CKAP2: variants seen among roughly 807,000 people sequenced by gnomAD.
The protein encoded by CKAP2 is cytoskeleton associated protein 2, also known as cytoskeleton-associated protein 2.
Under a neutral mutation model 58.4 loss-of-function variants are expected in CKAP2, and 46 were observed. The ratio of observed to expected loss-of-function variants is 0.79; its 90% CI spans 0.62 to 1.01. The LOEUF (loss-of-function observed/expected upper bound fraction) is 1.01. CKAP2 is among the 50% of genes least tolerant of loss of function. CKAP2 has a pLI of 0.00. For missense variants in CKAP2, 809 were observed against 796.4 expected (o/e 1.02, Z -0.19); for synonymous variants, 293 against 280.9 (o/e 1.04, Z -0.43).
rs772365982 is a variant in CKAP2, at chr13:52,461,647, CT to C, written c.823del (p.Ser275LeufsTer33). ...RDTVKQGISR[T>X]SANVTIRKGP... is the part of the protein sequence containing the mutation. The stretch of plus-strand genomic sequence containing the variant: ...ACTGTGAAACAAGGCATCAGTAGAA[CT>C]TCTGCCAATGTTACAATCCGGAAAG... On this transcript the variant is annotated frameshift_variant, in exon 4 of 9. Transcript: ENST00000258607. LOFTEE classifies it high-confidence loss of function. The C allele has an allele frequency of 6.2e-7, 1 of 1,614,162 alleles. No homozygotes were observed. The highest frequency in any genetic ancestry group is 8.5e-7 in the Non-Finnish European group (1 of 1,180,016).
chr13:52,456,754 T>C lies in CKAP2; in HGVS notation c.155+147T>C, dbSNP rs995059433. On this transcript the variant is annotated intron_variant, in intron 2 of 8. Transcript: ENST00000258607. ...TTACATATTATTTTACGTCTTTTTG[T>C]GGTACAACGTCTTTAAAATCTGGTG... 7.9e-6 allele frequency: 5 copies of C among 629,742 alleles called. No homozygotes were observed. The Admixed American group carries it at 8.8e-5, about 11-fold the overall frequency. The allele number at this position is 629,742 out of a possible 1,614,324, so 39.0% of individuals were successfully genotyped here. A position where few individuals can be genotyped will look rare whatever the true frequency, so the allele number is the denominator to read the frequency against.
At chr13:52,455,817 T>C (rs1409448889) in intron 1 of CKAP2, among the ~76,000 whole-genome samples, 191 bp downstream of exon 1, 1 of 152,220 alleles carries the variant, frequency 6.6e-6, no homozygotes, top group Non-Finnish European at 1.5e-5. Flanking sequence ...CAGGAACCGC[T>C]GCGTGGTGTT....
chr13:52,458,689 C>A (rs1958524451), intron 2 of CKAP2, among the ~76,000 whole-genome samples: 1 of 151,856 alleles, frequency 6.6e-6, no homozygotes, highest in African/African-American at 2.4e-5. Context: ...ATGGTGAAAC[C>A]CCGTCTCTAC....
At chr13:52,472,720 CATTCCTACACAGTCATGT>C (rs888866371) in intron 7 of CKAP2, among the ~76,000 whole-genome samples, 2 of 152,186 alleles carry the variant, frequency 1.3e-5, no homozygotes, top group Non-Finnish European at 2.9e-5. Context: ...TTTGCACACT[CATTCCTACACAGTCATGT>C]ATTCATTTGT....
intron 8 of CKAP2, among the ~76,000 whole-genome samples, chr13:52,474,580 A>G (rs1958803033): frequency 6.6e-6 from 1 of 152,118 alleles, no homozygotes; most frequent in Admixed American, 6.5e-5. Context: ...TTCCCTAACT[A>G]TTGCCATTTT....
intron 7 of CKAP2, among the ~76,000 whole-genome samples, chr13:52,472,703 T>G (rs987290348): frequency 1.3e-5 from 2 of 152,202 alleles, no homozygotes; most frequent in African/African-American, 2.4e-5. Context: ...AAGACGCTCC[T>G]AATACATTTG....
Position 52,465,477 on chromosome 13 carries a change from A to G in CKAP2, c.1476+12A>G. On this transcript the variant is annotated intron_variant, in intron 6 of 8. Transcript: ENST00000258607. ...TGGCAGGGGCTCAGGTAAGATAAAA[A>G]TTTACTGATCTTTACAATTACAGTG... The G allele has an allele frequency of 3.7e-6, 6 of 1,604,758 alleles. No homozygotes were observed. Among genetic ancestry groups the G allele is most frequent in the Non-Finnish European group, 5.1e-6 (6 of 1,172,780 alleles).
At position 52,461,438 on chromosome 13, in the gene CKAP2, A is replaced by G. The variant is rs748586558; in HGVS notation, c.612A>G (p.Thr204=). The part of the protein sequence containing the change: ...LQVKDESSAA[T]KKLSATIPKA... ...TCAAAGATGAGAGTTCTGCAGCAAC[A>G]AAGAAACTTTCAGCCACTATACCTA... Residue 204 remains threonine, a synonymous_variant, in exon 4 of 9, where the codon ACA becomes ACG. Coordinates refer to ENST00000258607, the MANE Select transcript of CKAP2 (RefSeq NM_018204.5). 5.0e-6 allele frequency: 8 copies of G among 1,614,114 alleles called. No individual in the cohort carries two copies. The African/African-American group carries it at 6.7e-5, about 13-fold the overall frequency.
chr13:52,461,994 A>C, intron 4 of CKAP2, 68 bp downstream of exon 4: 2 of 1,372,556 alleles, frequency 1.5e-6, no homozygotes, highest in East Asian at 5.0e-5. Flanking sequence ...TTTGGATTAT[A>C]ATTTCCTTGA....
intron 1 of CKAP2, chr13:52,456,244 C>A: frequency 1.0e-6 from 1 of 980,144 alleles, no homozygotes; most frequent in Non-Finnish European, 1.3e-6. Flanking sequence ...GCTTGGCTAG[C>A]AGGAGCTGTA....
At chr13:52,472,112 A>G (rs1361719465) in intron 7 of CKAP2, among the ~76,000 whole-genome samples, 1 of 152,104 alleles carries the variant, frequency 6.6e-6, no homozygotes, top group Non-Finnish European at 1.5e-5. Flanking sequence ...TTCAAATGTT[A>G]GTTCCTTGGA....
Position 52,455,509 on chromosome 13 carries a change from T to A in CKAP2, c.-48T>A. 6.2e-7 allele frequency: 1 copy of A among 1,610,090 alleles called. No individual in the cohort carries two copies. Among genetic ancestry groups the A allele is most frequent in the Non-Finnish European group, 8.5e-7 (1 of 1,177,474 alleles). ...TGCGGCGGCGGTGGTCTGAGGAAGTTCTATCTTGGCGCTAAAGCGGAGACG... is the reference window on the plus strand; with the variant it reads ...TGCGGCGGCGGTGGTCTGAGGAAGTACTATCTTGGCGCTAAAGCGGAGACG... On this transcript the variant is annotated 5_prime_UTR_variant, in exon 1 of 9. Coordinates refer to ENST00000258607, the MANE Select transcript of CKAP2 (RefSeq NM_018204.5).
chr13:52,457,495 TG>T (rs1958505919), intron 2 of CKAP2, among the ~76,000 whole-genome samples: 1 of 152,038 alleles, frequency 6.6e-6, no homozygotes, highest in Non-Finnish European at 1.5e-5. Flanking sequence ...CAAAAACCCA[TG>T]AAAGTAGATG....
rs1439941086 is a variant in CKAP2 at position 52,473,996 on chromosome 13, C to G, written c.1714C>G (p.Pro572Ala). ...EKEQDNKTKD[P>A]THDVKTPNTE... ...AGAGCAAGACAACAAAACAAAAGAT[C>G]CAACCCATGATGTTAAAACCCCCAA... The change falls in exon 8 of 9, where the codon CCA (proline) becomes GCA (alanine). Residue 572 changes from proline to alanine, a missense_variant. This residue lies in a region of CKAP2 where 283 missense variants were observed against 287.6 expected (regional missense o/e 0.98). Transcript: ENST00000258607. 2 of 1,614,018 alleles carry G rather than the reference C, an allele frequency of 1.2e-6. No individual in the cohort carries two copies. The highest frequency in any genetic ancestry group is 1.7e-6 in the Non-Finnish European group (2 of 1,179,972).
chr13:52,473,570 C>T (rs752425581), intron 7 of CKAP2: 2 of 351,016 alleles, frequency 5.7e-6, no homozygotes, highest in Non-Finnish European at 1.0e-5. Flanking sequence ...CTCCCTATAC[C>T]ACAGGCAAAG....
chr13:52,470,248 G>A (rs1958743727), intron 7 of CKAP2, among the ~76,000 whole-genome samples: 1 of 152,048 alleles, frequency 6.6e-6, no homozygotes, highest in Admixed American at 6.5e-5. Flanking sequence ...TGGGATTACA[G>A]GCATGCGCCA....
rs555887782 is a variant in CKAP2, at chr13:52,473,039, C to T, written c.1547-790C>T. ...TCCTAGGTGACAGAACGGCAGACAC[C>T]CTGTCTCTAAAAAAAAAAAAAAAAT... On this transcript the variant is annotated intron_variant, in intron 7 of 8. Coordinates refer to ENST00000258607, the MANE Select transcript of CKAP2 (RefSeq NM_018204.5). Among the ~76,000 whole-genome samples, 8 of 151,362 alleles carry T rather than the reference C, an allele frequency of 5.3e-5. No homozygotes were observed. In the East Asian group the frequency reaches 1.5e-3, roughly 29 times the overall value.
chr13:52,464,575 C>A lies in CKAP2; in HGVS notation c.1306-720C>A, dbSNP rs78925873. ...TCTCAAAAAAAAAAAAAAAAAAAAA[C>A]AATCCCATTCATCTAAGCCAACATC... is the stretch of plus-strand genomic sequence containing the variant. On this transcript the variant is annotated intron_variant, in intron 5 of 8. Coordinates refer to ENST00000258607, the MANE Select transcript of CKAP2 (RefSeq NM_018204.5). Among the ~76,000 whole-genome samples the A allele has an allele frequency of 7.0e-3, 812 of 116,682 alleles. 10 individuals carry two copies. Among genetic ancestry groups the A allele is most frequent in the African/African-American group, 0.02 (661 of 32,582 alleles). 76.5% of individuals were successfully genotyped at this position (116,682 alleles called of 152,430 possible). A position where few individuals can be genotyped will look rare whatever the true frequency, so the allele number is the denominator to read the frequency against.
chr13:52,461,802 GCTT>G lies in CKAP2; in HGVS notation c.978_980del (p.Ser327del). The G allele has an allele frequency of 6.2e-7, 1 of 1,614,050 alleles. No individual in the cohort carries two copies. The highest frequency in any genetic ancestry group is 8.5e-7 in the Non-Finnish European group (1 of 1,179,926). On this transcript the variant is annotated inframe_deletion, in exon 4 of 9. Coordinates refer to ENST00000258607, the MANE Select transcript of CKAP2 (RefSeq NM_018204.5). ...AGCATCTGAAGTTATAGCCAGGCCT[GCTT>G]CATTGTCTAATGATAAACTGATGGA...
Sources: allele counts gnomAD v4.1 joint callset (sites outside exome capture counted in the v4.1 genomes callset), GRCh38; gene constraint gnomAD v4.1.1; regional missense constraint gnomAD v4.1.1; transcripts MANE v1.5; gene names NCBI Gene and HGNC (gene_info 2026-07-23, HGNC 2026-07-21).